FER1L6: variants seen among roughly 807,000 people sequenced by gnomAD.
The protein encoded by FER1L6 is fer-1-like protein 6.
Under a neutral mutation model 219.2 loss-of-function variants are expected in FER1L6, and 177 were observed. The observed-to-expected ratio is 0.81, with a 90% CI of 0.71 to 0.91. FER1L6 has a LOEUF of 0.91. Among genes scored for constraint, FER1L6 ranks in the 40% least tolerant of loss-of-function variants. The probability of loss-of-function intolerance (pLI) is 0.00; values close to 1 mark genes in which losing one functional copy is unlikely to be tolerated. For missense variants in FER1L6, 2,153 were observed against 2,259.9 expected, an observed-to-expected ratio of 0.95 and a Z score of 0.96; for synonymous variants, 768 against 824.3, an observed-to-expected ratio of 0.93 and a Z score of 1.17.
chr8:123,974,202 G>A (rs1263902563), intron 7 of FER1L6, among the ~76,000 whole-genome samples: 1 of 152,194 alleles, frequency 6.6e-6, no homozygotes, highest in African/African-American at 2.4e-5. Flanking sequence ...GGGCCAGACA[G>A]GGAGCATAGC....
intron 3 of FER1L6, 121 bp from the exon 4 acceptor site, chr8:123,965,886 A>G (rs1020088151): frequency 6.7e-6 from 6 of 900,846 alleles, no homozygotes; most frequent in Non-Finnish European, 1.0e-5. Context: ...TCCCCCAGAG[A>G]TGTAGACAGA....
At chr8:123,925,533 T>A (rs1036136921) in intron 1 of FER1L6, among the ~76,000 whole-genome samples, 1 of 152,206 alleles carries the variant, frequency 6.6e-6, no homozygotes, top group African/African-American at 2.4e-5. Context: ...GGTGGCTGTG[T>A]GCCCAGCTGA....
intron 1 of FER1L6, among the ~76,000 whole-genome samples, chr8:123,937,319 T>C (rs377722939): frequency 4.6e-5 from 7 of 152,372 alleles, no homozygotes; most frequent in African/African-American, 1.7e-4. Flanking sequence ...GGCCTCGTAC[T>C]AAAATACTTA....
chr8:124,045,213 G>C (rs1285214416), intron 20 of FER1L6, among the ~76,000 whole-genome samples: 1 of 152,166 alleles, frequency 6.6e-6, no homozygotes, highest in Non-Finnish European at 1.5e-5. Flanking sequence ...CATAAAATGG[G>C]GATAATATTA....
intron 2 of FER1L6, among the ~76,000 whole-genome samples, chr8:123,962,074 A>G (rs1400532183): frequency 6.6e-6 from 1 of 151,856 alleles, no homozygotes; most frequent in Non-Finnish European, 1.5e-5. Flanking sequence ...TATTTTTAGT[A>G]GAGATGGGGT....
intron 1 of FER1L6, among the ~76,000 whole-genome samples, chr8:123,896,570 C>T (rs533741766): frequency 3.3e-4 from 50 of 152,222 alleles, no homozygotes; most frequent in Non-Finnish European, 5.9e-4. Flanking sequence ...CCTGAAAGTT[C>T]GCGAGTCTCT....
In FER1L6 at chr8:124,049,767, C is replaced by T. The variant is rs752993434; in HGVS notation, c.2874+11C>T. The T allele has an allele frequency of 1.9e-6, 3 of 1,613,720 alleles. No homozygotes were observed. Among genetic ancestry groups the T allele is most frequent in the Admixed American group, 3.3e-5 (2 of 60,012 alleles). On this transcript the variant is annotated intron_variant, in intron 22 of 40. Transcript: ENST00000522917. ...TTTGAACTGCTGCAGGTGAGTGAAC[C>T]AGATGTGGCACGAGATCTATTAGGT...
intron 1 of FER1L6, among the ~76,000 whole-genome samples, chr8:123,865,792 G>A (rs1348713083): frequency 4.5e-4 from 65 of 143,520 alleles, no homozygotes; most frequent in African/African-American, 1.1e-3. Flanking sequence ...GGAACTCCCT[G>A]ACCACTTGCG....
intron 33 of FER1L6, among the ~76,000 whole-genome samples, chr8:124,087,452 C>T (rs1586317424): frequency 6.6e-6 from 1 of 152,054 alleles, no homozygotes; most frequent in Non-Finnish European, 1.5e-5. Flanking sequence ...TTAAATTTAT[C>T]GGATAGGATT....
chr8:124,001,809 A>G (rs932064449), intron 12 of FER1L6, among the ~76,000 whole-genome samples: 22 of 152,212 alleles, frequency 1.4e-4, no homozygotes, highest in Non-Finnish European at 2.6e-4. Context: ...TACTATTTTC[A>G]TTCTCAAGAC....
At chr8:123,967,259 T>C (rs941865724) in intron 5 of FER1L6, among the ~76,000 whole-genome samples, 2 of 152,192 alleles carry the variant, frequency 1.3e-5, no homozygotes, top group Non-Finnish European at 2.9e-5. Context: ...ATTCCAAACA[T>C]GTACCAGAAT....
intron 1 of FER1L6, among the ~76,000 whole-genome samples, chr8:123,866,053 G>A (rs1816832868): frequency 6.6e-6 from 1 of 151,714 alleles, no homozygotes; most frequent in African/African-American, 2.4e-5. Flanking sequence ...ATTTGGGTTG[G>A]TTCCAAGTCT....
At chr8:124,082,578 G>A (rs540282657) in intron 33 of FER1L6, 120 bp downstream of exon 33, 161 of 843,490 alleles carry the variant, frequency 1.9e-4, no homozygotes, top group Middle Eastern at 5.1e-4. Flanking sequence ...CAGCTTTAAC[G>A]TCTCAAATGG....
rs759381244 is a variant in FER1L6, at chr8:124,070,499, C to T, written c.3867C>T (p.Asn1289=). Residue 1289 remains asparagine (N), a synonymous_variant, in exon 30 of 41, where the codon AAC becomes AAT. Coordinates refer to ENST00000522917, the MANE Select transcript of FER1L6 (RefSeq NM_001039112.2). The part of the protein sequence containing the change: ...IYDGDLESEF[N]NFEDWVKTFE... ...ACGGTGATCTCGAGAGTGAATTCAACAATTTTGAAGACTGGGTGAAAACTT... is the reference window on the plus strand; with the variant it reads ...ACGGTGATCTCGAGAGTGAATTCAATAATTTTGAAGACTGGGTGAAAACTT... 28 of 1,613,714 alleles carry T rather than the reference C, an allele frequency of 1.7e-5. No homozygotes were observed. Among genetic ancestry groups the T allele is most frequent in the Non-Finnish European group, 2.4e-5 (28 of 1,179,764 alleles).
At chr8:123,981,350 A>T (rs1161066049) in intron 11 of FER1L6, among the ~76,000 whole-genome samples, 1 of 152,186 alleles carries the variant, frequency 6.6e-6, no homozygotes, top group Non-Finnish European at 1.5e-5. Context: ...GGTTCTGCTT[A>T]TGGGAAAGAG....
chr8:124,015,632 C>T lies in FER1L6; in HGVS notation c.1923-1996C>T, dbSNP rs1473791339. Reference sequence around the variant, plus strand: ...ATATATATATTACTCCTGCTGTGAGCTGTTTAGTGCCACCTGCAATTCCCT... The same window carrying T: ...ATATATATATTACTCCTGCTGTGAGTTGTTTAGTGCCACCTGCAATTCCCT... On this transcript the variant is annotated intron_variant, in intron 15 of 40. Transcript: ENST00000522917. Among the ~76,000 whole-genome samples the T allele has an allele frequency of 1.1e-4, 12 of 105,080 alleles. No individual in the cohort carries two copies. In the Admixed American group the frequency reaches 1.3e-3, roughly 12 times the overall value. The allele number at this position is 105,080 out of a possible 152,430, so 68.9% of individuals were successfully genotyped here.
chr8:124,022,610 A>G (rs111346571), intron 17 of FER1L6, among the ~76,000 whole-genome samples: 9 of 152,254 alleles, frequency 5.9e-5, no homozygotes, highest in African/African-American at 2.2e-4. Flanking sequence ...CAATCATATT[A>G]TAGGTACACA....
At chr8:124,086,735 A>T (rs1487533466) in intron 33 of FER1L6, among the ~76,000 whole-genome samples, 1 of 152,112 alleles carries the variant, frequency 6.6e-6, no homozygotes, top group Non-Finnish European at 1.5e-5. Flanking sequence ...TTTTTCTCTC[A>T]GATTAAAAAA....
chr8:123,866,139 C>G (rs1374103357), intron 1 of FER1L6, among the ~76,000 whole-genome samples: 2 of 152,046 alleles, frequency 1.3e-5, no homozygotes, highest in African/African-American at 2.4e-5. Context: ...TGCTCTGTTT[C>G]TATGAGGTCG....
Sources: gnomAD v4.1 joint callset for allele counts (sites outside exome capture counted in the v4.1 genomes callset) on GRCh38, gnomAD v4.1.1 for gene constraint, MANE v1.5 for transcripts, NCBI Gene and HGNC (gene_info 2026-07-23, HGNC 2026-07-21) for gene names.